Variants in PRKD1 observed in about 807,000 individuals in gnomAD.
PRKD1 encodes protein kinase D1, also known as serine/threonine-protein kinase D1.
In PRKD1, 63 loss-of-function variants were observed where a neutral mutation model predicts 95.9. The ratio of observed to expected loss-of-function variants is 0.66; its 90% CI spans 0.54 to 0.81. PRKD1 has a LOEUF of 0.81. Among genes scored for constraint, PRKD1 ranks in the 30% least tolerant of loss-of-function variants. PRKD1 has a pLI of 0.00. For missense variants in PRKD1, 1,048 were observed against 1,165.3 expected (o/e 0.90, Z 1.47); for synonymous variants, 425 against 423.1 (o/e 1.00, Z -0.05).
At chr14:29,738,451 T>G (rs1355827934) in intron 1 of PRKD1, among the ~76,000 whole-genome samples, 1 of 152,226 alleles carries the variant, frequency 6.6e-6, no homozygotes, top group East Asian at 1.9e-4. Context: ...CTTTGCTATC[T>G]CTCCTAGTGT....
chr14:29,585,542 C>A (rs955518595), intron 16 of PRKD1, among the ~76,000 whole-genome samples: 2 of 152,026 alleles, frequency 1.3e-5, no homozygotes, highest in Non-Finnish European at 2.9e-5. Flanking sequence ...CCAATTGATT[C>A]AAAATTTAAA....
At chr14:29,605,679 T>C (rs1012428835) in intron 13 of PRKD1, among the ~76,000 whole-genome samples, 7 of 152,228 alleles carry the variant, frequency 4.6e-5, no homozygotes, top group Non-Finnish European at 8.8e-5. Context: ...TAATTTATCA[T>C]TTTGTATTCC....
At chr14:29,605,676 T>C (rs1160538976) in intron 13 of PRKD1, among the ~76,000 whole-genome samples, 1 of 152,238 alleles carries the variant, frequency 6.6e-6, no homozygotes, top group Non-Finnish European at 1.5e-5. Flanking sequence ...CTATAATTTA[T>C]CATTTTGTAT....
At chr14:29,839,617 C>A (rs566278150) in intron 1 of PRKD1, among the ~76,000 whole-genome samples, 1 of 152,084 alleles carries the variant, frequency 6.6e-6, no homozygotes, top group African/African-American at 2.4e-5. Context: ...CCATACAGCA[C>A]TAGCAGAGGT....
At position 29,927,545 on chromosome 14, in the gene PRKD1, G is replaced by T; in HGVS notation, c.-33C>A. 1 of 1,135,918 alleles carries T rather than the reference G, an allele frequency of 8.8e-7. No individual in the cohort carries two copies. Among genetic ancestry groups the T allele is most frequent in the Non-Finnish European group, 1.1e-6 (1 of 927,054 alleles). 70.4% of individuals were successfully genotyped at this position (1,135,918 alleles called of 1,614,324 possible). On this transcript the variant is annotated 5_prime_UTR_variant, in exon 1 of 18. Coordinates refer to ENST00000331968, the MANE Select transcript of PRKD1 (RefSeq NM_002742.3). The stretch of plus-strand genomic sequence containing the variant: ...CGGGGCGCAGGGCCGGGCAGCGGAG[G>T]GCGGGGGCTGGCGGCGCGGCAGCAG...
chr14:29,853,381 T>C (rs1892378998), intron 1 of PRKD1, among the ~76,000 whole-genome samples: 1 of 152,222 alleles, frequency 6.6e-6, no homozygotes, highest in Non-Finnish European at 1.5e-5. Flanking sequence ...TAGCTTTCAT[T>C]TGTAAACCAG....
At chr14:29,888,948 C>G (rs1893838914) in intron 1 of PRKD1, among the ~76,000 whole-genome samples, 1 of 152,164 alleles carries the variant, frequency 6.6e-6, no homozygotes, top group Non-Finnish European at 1.5e-5. Context: ...ATTGCATAAG[C>G]AGTTACAGTC....
intron 1 of PRKD1, among the ~76,000 whole-genome samples, chr14:29,755,015 T>C (rs1002204313): frequency 1.3e-5 from 2 of 152,126 alleles, no homozygotes; most frequent in Non-Finnish European, 2.9e-5. Flanking sequence ...TCAATTATGT[T>C]AATTCCTACA....
At chr14:29,919,133 T>C (rs1473170605) in intron 1 of PRKD1, among the ~76,000 whole-genome samples, 4 of 152,210 alleles carry the variant, frequency 2.6e-5, no homozygotes, top group Non-Finnish European at 4.4e-5. Context: ...GAAGGGTGTA[T>C]ATTTTTTTCC....
chr14:29,831,447 TGG>T (rs1891407311), intron 1 of PRKD1, among the ~76,000 whole-genome samples: 2 of 141,130 alleles, frequency 1.4e-5, no homozygotes, highest in African/African-American at 5.0e-5. Flanking sequence ...TTAGAATGTT[TGG>T]TTTTTTTTTT....
intron 4 of PRKD1, among the ~76,000 whole-genome samples, chr14:29,654,083 T>A (rs931415090): frequency 7.5e-5 from 11 of 147,186 alleles, no homozygotes; most frequent in Non-Finnish European, 1.7e-4. Flanking sequence ...TGAATAACTA[T>A]TTTTTTTTTT....
At chr14:29,759,451 A>G (rs1432497414) in intron 1 of PRKD1, among the ~76,000 whole-genome samples, 1 of 152,234 alleles carries the variant, frequency 6.6e-6, no homozygotes, top group Non-Finnish European at 1.5e-5. Flanking sequence ...TGTGCTAAGT[A>G]TCTTCATACT....
At chr14:29,758,319 A>C (rs1035491623) in intron 1 of PRKD1, among the ~76,000 whole-genome samples, 2 of 152,190 alleles carry the variant, frequency 1.3e-5, no homozygotes, top group Non-Finnish European at 2.9e-5. Context: ...TAGCAACCAT[A>C]CAGACTTGAT....
At position 29,789,764 on chromosome 14, in the gene PRKD1, G is replaced by A. The variant is rs140151786; in HGVS notation, c.265-64090C>T. On this transcript the variant is annotated intron_variant, in intron 1 of 17. Transcript: ENST00000331968. ...GGGTGGGTATATTGTCAGGCCCCCGGACAGGAAGTGCAGCCAGTAGTGCCA... is the reference window on the plus strand; with the variant it reads ...GGGTGGGTATATTGTCAGGCCCCCGAACAGGAAGTGCAGCCAGTAGTGCCA... Among the ~76,000 whole-genome samples the A allele has an allele frequency of 6.9e-3, 1,050 of 152,226 alleles. 19 individuals carry two copies. Among genetic ancestry groups the A allele is most frequent in the African/African-American group, 0.024 (983 of 41,532 alleles).
At chr14:29,648,581 A>G (rs1384438793) in intron 4 of PRKD1, among the ~76,000 whole-genome samples, 6 of 152,162 alleles carry the variant, frequency 3.9e-5, no homozygotes, top group Admixed American at 3.9e-4. Flanking sequence ...AAGTTTAGCC[A>G]TTTTCCCTGG....
At chr14:29,631,200 T>C (rs532069613) in intron 9 of PRKD1, among the ~76,000 whole-genome samples, 179 bp from the exon 10 acceptor site, 10 of 152,294 alleles carry the variant, frequency 6.6e-5, no homozygotes, top group Non-Finnish European at 1.5e-4. Context: ...ACCTTTACTA[T>C]GGGAAACCTT....
Position 29,636,433 on chromosome 14 carries a change from A to G in PRKD1, c.1047T>C (p.Asp349=), listed in dbSNP as rs766239923. The stretch of plus-strand genomic sequence containing the variant: ...CCATGAGCCCACTGTTCCTTTCACT[A>G]TCATTGTCATCACTCCCTTCTTCCA... ...VVMEEGSDDN[D]SERNSGLMDD... The change falls in exon 7 of 18, where the codon GAT becomes GAC. Residue 349 remains aspartate, a synonymous_variant. Transcript: ENST00000331968. 19 of 1,614,066 alleles carry G rather than the reference A, an allele frequency of 1.2e-5. No homozygotes were observed. The South Asian group carries it at 1.9e-4, about 16-fold the overall frequency.
At chr14:29,908,909 C>T (rs1003191953) in intron 1 of PRKD1, among the ~76,000 whole-genome samples, 6 of 152,178 alleles carry the variant, frequency 3.9e-5, no homozygotes, top group Non-Finnish European at 8.8e-5. Context: ...TTGAGGAGCC[C>T]TTTAGCCCAC....
chr14:29,738,100 A>G (rs1226853363), intron 1 of PRKD1, among the ~76,000 whole-genome samples: 1 of 152,176 alleles, frequency 6.6e-6, no homozygotes, highest in South Asian at 2.1e-4. Context: ...AAGAAAAGAG[A>G]AAGTGAATAA....
Sources: gnomAD v4.1 joint callset for allele counts (sites outside exome capture counted in the v4.1 genomes callset) on GRCh38, gnomAD v4.1.1 for gene constraint, MANE v1.5 for transcripts, NCBI Gene and HGNC (gene_info 2026-07-23, HGNC 2026-07-21) for gene names.